The following DENND5B variants were observed in gnomAD, a reference collection of about 807,000 sequenced individuals.
DENND5B encodes DENN domain containing 5B.
DENND5B carries 34 observed loss-of-function variants against 140.6 expected under a neutral mutation model. The observed-to-expected ratio is 0.24, with a 90% CI of 0.18 to 0.32. DENND5B has a LOEUF of 0.32. DENND5B is among the 10% of genes least tolerant of loss of function. The pLI, the probability that DENND5B is intolerant of heterozygous loss-of-function variation, is 1.00. For missense variants in DENND5B, 1,142 were observed against 1,560.2 expected (o/e 0.73, Z 4.52); for synonymous variants, 551 against 562.1 (o/e 0.98, Z 0.28).
At chr12:31,423,509 T>C in intron 11 of DENND5B, 88 bp downstream of exon 11, 1 of 1,351,716 alleles carries the variant, frequency 7.4e-7, no homozygotes, top group Non-Finnish European at 1.0e-6. Flanking sequence ...AATTTTAGCT[T>C]GAGAGAGAAA....
At chr12:31,411,005 CCT>C (rs949964929) in intron 13 of DENND5B, among the ~76,000 whole-genome samples, 1 of 151,174 alleles carries the variant, frequency 6.6e-6, no homozygotes, top group African/African-American at 2.4e-5. Flanking sequence ...TTATCATTTT[CCT>C]CTTTGTACTT....
At chr12:31,427,159 G>A (rs1248060440) in intron 8 of DENND5B, among the ~76,000 whole-genome samples, 1 of 152,110 alleles carries the variant, frequency 6.6e-6, no homozygotes, top group Non-Finnish European at 1.5e-5. Flanking sequence ...GTGAATTACA[G>A]TGTTACTTTT....
intron 17 of DENND5B, among the ~76,000 whole-genome samples, chr12:31,392,954 A>G (rs1941227554): frequency 6.6e-6 from 1 of 152,330 alleles, no homozygotes; most frequent in Admixed American, 6.5e-5. Context: ...CTAGTGTCTA[A>G]CTTCCTCTGA....
At chr12:31,429,650 C>T (rs1407123438) in intron 8 of DENND5B, among the ~76,000 whole-genome samples, 1 of 151,916 alleles carries the variant, frequency 6.6e-6, no homozygotes, top group East Asian at 1.9e-4. Context: ...CTCAAGTGAT[C>T]CACTCAACTT....
chr12:31,510,689 A>G (rs974049839), intron 1 of DENND5B, among the ~76,000 whole-genome samples: 1 of 152,170 alleles, frequency 6.6e-6, no homozygotes, highest in Non-Finnish European at 1.5e-5. Context: ...CTTCTGCAGC[A>G]GCTGAGATTT....
chr12:31,452,419 G>A lies in DENND5B; in HGVS notation c.1150C>T (p.Pro384Ser). Residue 384 changes from proline (P) to serine (S), a missense_variant, in exon 5 of 21, where the codon CCA becomes TCA. Pro to Ser is a moderately conservative substitution (Grantham distance 74, BLOSUM62 -1). Coordinates refer to ENST00000389082, the MANE Select transcript of DENND5B (RefSeq NM_144973.4). ...AAATCCACTTTATTGGGGAACTGTG[G>A]AAATTCTTCAGGCAACTCAATAAAA... ...NHFIELPEEF[P>S]QFPNKVDFIQ... is the part of the protein sequence containing the mutation. 2.5e-6 allele frequency: 4 copies of A among 1,612,424 alleles called. No homozygotes were observed. The highest frequency in any genetic ancestry group is 3.4e-6 in the Non-Finnish European group (4 of 1,179,438).
intron 1 of DENND5B, among the ~76,000 whole-genome samples, chr12:31,503,034 A>C (rs1947071463): frequency 6.6e-6 from 1 of 152,228 alleles, no homozygotes; most frequent in South Asian, 2.1e-4. Flanking sequence ...CAGAGGGCAC[A>C]GAAGTCAGCA....
At chr12:31,522,820 A>C (rs770591250) in intron 1 of DENND5B, among the ~76,000 whole-genome samples, 1 of 152,198 alleles carries the variant, frequency 6.6e-6, no homozygotes, top group African/African-American at 2.4e-5. Context: ...TGACAAAAAC[A>C]TCTAAATACC....
chr12:31,421,708 C>T (rs1431388564), intron 11 of DENND5B, among the ~76,000 whole-genome samples: 4 of 152,090 alleles, frequency 2.6e-5, no homozygotes, highest in African/African-American at 9.7e-5. Context: ...CACCACCATG[C>T]CCGGCTAATT....
At chr12:31,561,945 A>T (rs1245599220) in intron 1 of DENND5B, among the ~76,000 whole-genome samples, 3 of 152,390 alleles carry the variant, frequency 2.0e-5, no homozygotes, top group African/African-American at 7.2e-5. Flanking sequence ...GTGAGCATCT[A>T]TTAAGTGCAA....
chr12:31,582,009 T>C (rs1383021711), intron 1 of DENND5B, among the ~76,000 whole-genome samples: 5 of 152,184 alleles, frequency 3.3e-5, no homozygotes, highest in African/African-American at 7.2e-5. Context: ...TAGGGAACAA[T>C]AGCGAGAACA....
At chr12:31,553,223 C>T (rs1342858697) in intron 1 of DENND5B, among the ~76,000 whole-genome samples, 2 of 152,206 alleles carry the variant, frequency 1.3e-5, no homozygotes, top group Non-Finnish European at 2.9e-5. Flanking sequence ...TCCCTGTACA[C>T]ACTGCTTTGA....
rs954517459 is a variant in DENND5B, at chr12:31,385,043, G to A, written c.*2560C>T. Reference sequence around the variant, plus strand: ...GAACCACCCGCCTCAGACTCCCAAAGTGTCAGGATTACAGGCGTTAGCCAC... The same window carrying A: ...GAACCACCCGCCTCAGACTCCCAAAATGTCAGGATTACAGGCGTTAGCCAC... On this transcript the variant is annotated 3_prime_UTR_variant, in exon 21 of 21. Transcript: ENST00000389082. 1.3e-5 allele frequency: 2 copies of A among 152,044 alleles called. No individual in the cohort carries two copies. Among genetic ancestry groups the A allele is most frequent in the Non-Finnish European group, 1.5e-5 (1 of 68,014 alleles). 9.4% of individuals were successfully genotyped at this position (152,044 alleles called of 1,614,324 possible).
intron 1 of DENND5B, among the ~76,000 whole-genome samples, chr12:31,567,363 T>TA (rs1468474622): frequency 6.6e-6 from 1 of 151,462 alleles, no homozygotes; most frequent in Non-Finnish European, 1.5e-5. Context: ...TTGTGTGTCC[T>TA]ATCTTTCCTA....
chr12:31,485,193 CAAT>C (rs1170599701), intron 2 of DENND5B, among the ~76,000 whole-genome samples: 4 of 152,208 alleles, frequency 2.6e-5, no homozygotes, highest in African/African-American at 9.6e-5. Flanking sequence ...TTTTCCACAA[CAAT>C]GCCTGACCGC....
intron 1 of DENND5B, among the ~76,000 whole-genome samples, chr12:31,546,298 C>T (rs900385672): frequency 6.6e-6 from 1 of 151,978 alleles, no homozygotes; most frequent in East Asian, 1.9e-4. Context: ...TGAACATTTC[C>T]CCAAATCTTT....
intron 14 of DENND5B, among the ~76,000 whole-genome samples, chr12:31,408,860 TG>T (rs1942280259): frequency 6.6e-6 from 1 of 152,190 alleles, no homozygotes; most frequent in South Asian, 2.1e-4. Context: ...GAAATTAGCA[TG>T]GACAATGCTG....
chr12:31,583,308 A>AAG (rs58081768), intron 1 of DENND5B, among the ~76,000 whole-genome samples: 79,301 of 145,074 alleles, frequency 0.55, 22,047 homozygotes, highest in East Asian at 0.8. Flanking sequence ...AAAAAAAAAA[A>AAG]AGAGAGAGAG....
chr12:31,421,799 G>A (rs1370923429), intron 11 of DENND5B, among the ~76,000 whole-genome samples: 4 of 152,116 alleles, frequency 2.6e-5, no homozygotes, highest in African/African-American at 9.7e-5. Flanking sequence ...TGATCCGCCT[G>A]CCTTGCCCTC....
Sources: gnomAD v4.1 joint callset for allele counts (sites outside exome capture counted in the v4.1 genomes callset) on GRCh38, gnomAD v4.1.1 for gene constraint, MANE v1.5 for transcripts, NCBI Gene and HGNC (gene_info 2026-07-23, HGNC 2026-07-21) for gene names.